Variants in KIDINS220 observed in about 807,000 individuals in gnomAD.
KIDINS220 encodes the protein kinase D interacting substrate 220.
A neutral mutation model predicts 157.6 loss-of-function variants in KIDINS220; 63 were observed. The observed-to-expected ratio is 0.40, with a 90% CI of 0.33 to 0.49. The LOEUF (loss-of-function observed/expected upper bound fraction) is 0.49. Among genes scored for constraint, KIDINS220 ranks in the 20% least tolerant of loss-of-function variants. The probability of loss-of-function intolerance (pLI) is 0.66; values close to 1 mark genes in which losing one functional copy is unlikely to be tolerated. For synonymous variants in KIDINS220, 732 were observed against 783.6 expected, an observed-to-expected ratio of 0.93 and a Z score of 1.10; for missense variants, 1,772 against 2,171.2, an observed-to-expected ratio of 0.82 and a Z score of 3.65.
intron 10 of KIDINS220, among the ~76,000 whole-genome samples, chr2:8,797,785 G>A (rs754863004): frequency 3.3e-5 from 5 of 152,068 alleles, no homozygotes; most frequent in Non-Finnish European, 5.9e-5. Flanking sequence ...AGCTAGTCTG[G>A]GGAACCAACC....
At chr2:8,728,212 C>T (rs1322596947), downstream of KIDINS220, among the ~76,000 whole-genome samples, 3 of 152,214 alleles carry the variant, frequency 2.0e-5, no homozygotes, top group Non-Finnish European at 2.9e-5. Context: ...TGTGGTGGCA[C>T]GTGCCTATAG....
intron 18 of KIDINS220, among the ~76,000 whole-genome samples, chr2:8,779,458 A>G (rs931075411): frequency 1.3e-5 from 2 of 152,250 alleles, no homozygotes; most frequent in Admixed American, 1.3e-4. Context: ...TCACAGTGCC[A>G]CTAAGCTAAA....
At chr2:8,824,408 T>A (rs1423568248) in intron 2 of KIDINS220, among the ~76,000 whole-genome samples, 1 of 152,206 alleles carries the variant, frequency 6.6e-6, no homozygotes, top group Non-Finnish European at 1.5e-5. Flanking sequence ...ACGTCAGGCA[T>A]GATGCCTCAC....
intron 22 of KIDINS220, among the ~76,000 whole-genome samples, chr2:8,758,782 T>A (rs1431131916): frequency 3.3e-5 from 5 of 152,208 alleles, no homozygotes; most frequent in Admixed American, 3.3e-4. Flanking sequence ...AGTATTTTCA[T>A]AACTATTCCA....
At chr2:8,725,263 A>T (rs1045284048), downstream of KIDINS220, 6 of 152,340 alleles carry the variant, frequency 3.9e-5, no homozygotes, top group African/African-American at 1.2e-4. Context: ...AGTTGCAGGA[A>T]CTATGATAAA....
At chr2:8,745,057 A>G (rs1314539359) in intron 26 of KIDINS220, among the ~76,000 whole-genome samples, 2 of 152,152 alleles carry the variant, frequency 1.3e-5, no homozygotes, top group Non-Finnish European at 2.9e-5. Context: ...AATTTGCCTA[A>G]TGCTCCTTTA....
chr2:8,802,854 T>C, intron 8 of KIDINS220, 76 bp downstream of exon 8: 2 of 1,164,126 alleles, frequency 1.7e-6, no homozygotes, highest in East Asian at 4.8e-5. Flanking sequence ...ATGAGAATCT[T>C]GAAAGGTAAT....
chr2:8,798,910 G>C (rs765100731), intron 9 of KIDINS220, among the ~76,000 whole-genome samples: 1 of 152,162 alleles, frequency 6.6e-6, no homozygotes, highest in Non-Finnish European at 1.5e-5. Context: ...AAGGAAGTTA[G>C]GTAAAAGTCC....
At chr2:8,759,280 A>G (rs1668443397) in intron 22 of KIDINS220, among the ~76,000 whole-genome samples, 1 of 152,100 alleles carries the variant, frequency 6.6e-6, no homozygotes. Flanking sequence ...AATAGTGCAA[A>G]CCATAAAAGC....
rs1329857542 is a variant in KIDINS220, at chr2:8,798,380, T to A, written c.901-80A>T. ...GCTACTTATAAATACAAAACATTTC[T>A]GTCAGAAAGCATTCCAACAGGCAGC... On this transcript the variant is annotated intron_variant, in intron 9 of 29. Coordinates refer to ENST00000256707, the MANE Select transcript of KIDINS220 (RefSeq NM_020738.4). 4 of 789,304 alleles carry A rather than the reference T, an allele frequency of 5.1e-6. No homozygotes were observed. The East Asian group carries it at 1.0e-4, about 20-fold the overall frequency. 48.9% of individuals were successfully genotyped at this position (789,304 alleles called of 1,614,324 possible). A position where few individuals can be genotyped will look rare whatever the true frequency, so the allele number is the denominator to read the frequency against.
chr2:8,728,453 A>C (rs985917826), downstream of KIDINS220, among the ~76,000 whole-genome samples: 1 of 152,234 alleles, frequency 6.6e-6, no homozygotes, highest in Non-Finnish European at 1.5e-5. Context: ...TTTAAAGCAG[A>C]GTTTTGCATG....
intron 22 of KIDINS220, among the ~76,000 whole-genome samples, chr2:8,768,939 T>A (rs975896698): frequency 7.2e-5 from 11 of 152,204 alleles, no homozygotes; most frequent in Non-Finnish European, 1.5e-4. Context: ...TTCCTTAGAC[T>A]AGCTACGAAA....
chr2:8,736,919 T>A lies in KIDINS220; in HGVS notation c.3666A>T (p.Ile1222=), dbSNP rs1323997041. ...VDAVCEKLKQ[I]EGLDQSMLPQ... ...GCAGCATACTCTGGTCCAGCCCTTCTATTTGTTTCAGCTTCTCACATACTG... is the reference window on the plus strand; with the variant it reads ...GCAGCATACTCTGGTCCAGCCCTTCAATTTGTTTCAGCTTCTCACATACTG... Residue 1222 remains isoleucine (I), a synonymous_variant, in exon 27 of 30, where the codon ATA becomes ATT. Coordinates refer to ENST00000256707, the MANE Select transcript of KIDINS220 (RefSeq NM_020738.4). The A allele has an allele frequency of 1.2e-6, 2 of 1,614,232 alleles. No individual in the cohort carries two copies. The highest frequency in any genetic ancestry group is 4.5e-5 in the East Asian group (2 of 44,890).
At chr2:8,728,728 A>C (rs1016112194), downstream of KIDINS220, 1 of 362,820 alleles carries the variant, frequency 2.8e-6, no homozygotes. Flanking sequence ...AGCACCACTG[A>C]GGCACTGGGA....
intron 6 of KIDINS220, among the ~76,000 whole-genome samples, chr2:8,809,266 C>T (rs13011177): frequency 6.6e-6 from 1 of 152,168 alleles, no homozygotes; most frequent in Non-Finnish European, 1.5e-5. Flanking sequence ...GGTGATCCAC[C>T]TGCCTCGGCC....
rs1219572468 is a variant in KIDINS220, at chr2:8,791,044, C to T, written c.1441+16G>A. 6.2e-7 allele frequency: 1 copy of T among 1,602,742 alleles called. No individual in the cohort carries two copies. Among genetic ancestry groups the T allele is most frequent in the East Asian group, 2.2e-5 (1 of 44,772 alleles). On this transcript the variant is annotated intron_variant, in intron 13 of 29. Coordinates refer to ENST00000256707, the MANE Select transcript of KIDINS220 (RefSeq NM_020738.4). ...TTGCTTTATATATACAGACTTTGTA[C>T]AAGCAAGCCCTTTACCTTCTAGTTT... is the stretch of plus-strand genomic sequence containing the variant.
chr2:8,784,902 T>C (rs1160509209), intron 17 of KIDINS220, among the ~76,000 whole-genome samples: 1 of 152,216 alleles, frequency 6.6e-6, no homozygotes, highest in Non-Finnish European at 1.5e-5. Context: ...TCCTTGGTAT[T>C]TACCCAAAGG....
rs1401827804 is a variant in KIDINS220, at chr2:8,730,798, G to A, written c.5238C>T (p.Ser1746=). 6.2e-7 allele frequency: 1 copy of A among 1,614,198 alleles called. No individual in the cohort carries two copies. ...RSQRSSYTRL[S]KDPPELHAAA... ...CTGCATGGAGCTCCGGAGGATCTTT[G>A]GAGAGCCTTGTGTAACTTGAACGTT... Residue 1746 remains serine, a synonymous_variant, in exon 30 of 30, where the codon TCC becomes TCT. Coordinates refer to ENST00000256707, the MANE Select transcript of KIDINS220 (RefSeq NM_020738.4).
intron 17 of KIDINS220, among the ~76,000 whole-genome samples, chr2:8,785,247 G>A (rs999073992): frequency 1.3e-5 from 2 of 152,214 alleles, no homozygotes; most frequent in African/African-American, 4.8e-5. Flanking sequence ...GGGTTAGGGA[G>A]GAGGGTGGAG....
Sources: gnomAD v4.1 joint callset for allele counts (sites outside exome capture counted in the v4.1 genomes callset) on GRCh38, gnomAD v4.1.1 for gene constraint, MANE v1.5 for transcripts, NCBI Gene and HGNC (gene_info 2026-07-23, HGNC 2026-07-21) for gene names.